The following THSD4 variants were observed in gnomAD, a reference collection of about 807,000 sequenced individuals.
The protein encoded by THSD4 is thrombospondin type 1 domain containing 4.
In THSD4, 69 loss-of-function variants were observed where a neutral mutation model predicts 119.0. The ratio of observed to expected loss-of-function variants is 0.58; its 90% CI spans 0.48 to 0.71. The LOEUF (loss-of-function observed/expected upper bound fraction) is 0.71. THSD4 is among the 30% of genes least tolerant of loss of function. The pLI, the probability that THSD4 is intolerant of heterozygous loss-of-function variation, is 0.00. For missense variants in THSD4, 1,393 were observed against 1,391.1 expected (o/e 1.00, Z -0.02); for synonymous variants, 524 against 540.4 (o/e 0.97, Z 0.42).
intron 6 of THSD4, among the ~76,000 whole-genome samples, chr15:71,340,764 C>A (rs1421985788): frequency 6.6e-6 from 1 of 152,036 alleles, no homozygotes; most frequent in African/African-American, 2.4e-5. Flanking sequence ...CACCACCACA[C>A]CTGGCTAATA....
intron 7 of THSD4, among the ~76,000 whole-genome samples, chr15:71,488,119 A>G (rs917135828): frequency 6.6e-6 from 1 of 152,192 alleles, no homozygotes; most frequent in African/African-American, 2.4e-5. Context: ...CTTCAGCAGG[A>G]TGCAAGCTCT....
At chr15:71,477,097 A>G (rs566612657) in intron 7 of THSD4, among the ~76,000 whole-genome samples, 14 of 152,336 alleles carry the variant, frequency 9.2e-5, no homozygotes, top group African/African-American at 2.4e-4. Context: ...TTTGCAGTAC[A>G]GTTCCTGATT....
intron 6 of THSD4, among the ~76,000 whole-genome samples, chr15:71,387,233 T>C (rs565031388): frequency 6.6e-6 from 1 of 151,834 alleles, no homozygotes; most frequent in Middle Eastern, 3.2e-3. Context: ...TGAGAGACTA[T>C]AGAAAGGGAT....
In THSD4 at chr15:71,576,849, C is replaced by T. The variant is rs549413398; in HGVS notation, c.1153-83681C>T. ...TGGTCTCAAAGTCAGGTGTTGTACT[C>T]AGCCAGAACAGCTTTGTTATACCCT... is the stretch of plus-strand genomic sequence containing the variant. On this transcript the variant is annotated intron_variant, in intron 7 of 17. Transcript: ENST00000261862. Among the ~76,000 whole-genome samples, 9 of 152,294 alleles carry T rather than the reference C, an allele frequency of 5.9e-5. No homozygotes were observed. The South Asian group carries it at 1.9e-3, about 32-fold the overall frequency.
chr15:71,655,327 T>G (rs1008465799), intron 7 of THSD4, among the ~76,000 whole-genome samples: 6 of 152,196 alleles, frequency 3.9e-5, no homozygotes, highest in Admixed American at 1.3e-4. Context: ...TGGTGAACCT[T>G]GGCCGATTTT....
chr15:71,371,854 G>A (rs961492196), intron 6 of THSD4, among the ~76,000 whole-genome samples: 1 of 152,128 alleles, frequency 6.6e-6, no homozygotes, highest in Non-Finnish European at 1.5e-5. Context: ...AGTTCTTCTG[G>A]ATAATATACT....
At chr15:71,278,740 G>A (rs1463134927) in intron 6 of THSD4, among the ~76,000 whole-genome samples, 1 of 152,142 alleles carries the variant, frequency 6.6e-6, no homozygotes, top group Non-Finnish European at 1.5e-5. Flanking sequence ...AAGTATTGCA[G>A]GGGTAAGAAA....
At chr15:71,519,952 G>T (rs894950290) in intron 7 of THSD4, among the ~76,000 whole-genome samples, 1 of 152,128 alleles carries the variant, frequency 6.6e-6, no homozygotes, top group Admixed American at 6.5e-5. Flanking sequence ...TAGCTCTAGG[G>T]GAGTTTGCTG....
rs543962379 is a variant in THSD4 at position 71,440,388 on chromosome 15, A to G, written c.1152+28565A>G. On this transcript the variant is annotated intron_variant, in intron 7 of 17. Coordinates refer to ENST00000261862, the MANE Select transcript of THSD4 (RefSeq NM_024817.3). ...TTAAATACTTCACACATACAATATG[A>G]AATTTCAAATATATGATATAAATAA... Among the ~76,000 whole-genome samples, 12 of 152,340 alleles carry G rather than the reference A, an allele frequency of 7.9e-5. No individual in the cohort carries two copies. The East Asian group carries it at 2.1e-3, about 27-fold the overall frequency.
At chr15:71,358,212 G>T (rs149466443) in intron 6 of THSD4, among the ~76,000 whole-genome samples, 1 of 152,138 alleles carries the variant, frequency 6.6e-6, no homozygotes, top group Admixed American at 6.5e-5. Flanking sequence ...GTACGGCATC[G>T]GCCTCCCTCC....
At chr15:71,616,353 T>C (rs2050318839) in intron 7 of THSD4, among the ~76,000 whole-genome samples, 1 of 152,162 alleles carries the variant, frequency 6.6e-6, no homozygotes, top group East Asian at 1.9e-4. Flanking sequence ...TCTTATGTTT[T>C]GCTGGTCAGA....
At chr15:71,135,265 C>T (rs1214378326) in intron 1 of THSD4, among the ~76,000 whole-genome samples, 1 of 147,930 alleles carries the variant, frequency 6.8e-6, no homozygotes, top group Non-Finnish European at 1.5e-5. Flanking sequence ...ATACCTAATG[C>T]TAGATGACGA....
At chr15:71,671,829 A>T (rs561312964) in intron 8 of THSD4, among the ~76,000 whole-genome samples, 1 of 152,098 alleles carries the variant, frequency 6.6e-6, no homozygotes, top group Admixed American at 6.6e-5. Flanking sequence ...CTCTGTTCTG[A>T]TCCATTGGTT....
At chr15:71,180,171 T>TAAAA (rs61126896) in intron 3 of THSD4, among the ~76,000 whole-genome samples, 1 of 141,348 alleles carries the variant, frequency 7.1e-6, no homozygotes, top group African/African-American at 2.7e-5. Flanking sequence ...AAAAAAAAAA[T>TAAAA]AAAAAAAAAA....
chr15:71,193,783 C>G (rs1596261073), intron 3 of THSD4, among the ~76,000 whole-genome samples: 1 of 152,168 alleles, frequency 6.6e-6, no homozygotes, highest in African/African-American at 2.4e-5. Flanking sequence ...TCTCGGCTCT[C>G]TGCAAGCTCC....
At chr15:71,315,785 A>G (rs773225622) in intron 6 of THSD4, among the ~76,000 whole-genome samples, 5 of 152,182 alleles carry the variant, frequency 3.3e-5, no homozygotes, top group Non-Finnish European at 7.3e-5. Context: ...GAGGATGTAG[A>G]TGCTTCAGTT....
chr15:71,315,267 C>T (rs947631609), intron 6 of THSD4, among the ~76,000 whole-genome samples: 2 of 150,762 alleles, frequency 1.3e-5, no homozygotes, highest in African/African-American at 5.0e-5. Flanking sequence ...CAACTGGTGA[C>T]CATCCCTGCC....
intron 7 of THSD4, among the ~76,000 whole-genome samples, chr15:71,584,907 T>C (rs1307625825): frequency 6.6e-6 from 1 of 152,196 alleles, no homozygotes; most frequent in African/African-American, 2.4e-5. Context: ...ACATAAAACA[T>C]CTTATATCTA....
At chr15:71,119,841 A>G (rs1305089865) in intron 1 of THSD4, among the ~76,000 whole-genome samples, 1 of 152,196 alleles carries the variant, frequency 6.6e-6, no homozygotes, top group Non-Finnish European at 1.5e-5. Flanking sequence ...CTTTCATTCA[A>G]CTGGCCTTGC....
Sources: allele counts gnomAD v4.1 joint callset (sites outside exome capture counted in the v4.1 genomes callset), GRCh38; gene constraint gnomAD v4.1.1; transcripts MANE v1.5; gene names NCBI Gene and HGNC (gene_info 2026-07-23, HGNC 2026-07-21).